Variants in ADAM10 observed in about 807,000 individuals in gnomAD.
ADAM10 encodes disintegrin and metalloproteinase domain-containing protein 10.
ADAM10 carries 17 observed loss-of-function variants against 90.1 expected under a neutral mutation model. That is an observed-to-expected ratio of 0.19 (90% CI 0.13 to 0.28). ADAM10 has a LOEUF of 0.28. Among genes scored for constraint, ADAM10 ranks in the 10% least tolerant of loss-of-function variants. The probability of loss-of-function intolerance (pLI) is 1.00; values close to 1 mark genes in which losing one functional copy is unlikely to be tolerated. For missense variants in ADAM10, 610 were observed against 914.3 expected (o/e 0.67, Z 4.29); for synonymous variants, 310 against 298.6 (o/e 1.04, Z -0.40).
chr15:58,625,254 G>C (rs1409226949), intron 10 of ADAM10, among the ~76,000 whole-genome samples: 1 of 152,050 alleles, frequency 6.6e-6, no homozygotes, highest in Non-Finnish European at 1.5e-5. Context: ...TTGCAAACCA[G>C]TATCTAGGAC....
intron 11 of ADAM10, 93 bp downstream of exon 11, chr15:58,621,378 C>G: frequency 6.8e-7 from 1 of 1,480,976 alleles, no homozygotes; most frequent in Non-Finnish European, 9.4e-7. Context: ...GTTTCAAAAC[C>G]ATATGCATCT....
At chr15:58,608,479 C>T (rs1225696559) in intron 14 of ADAM10, among the ~76,000 whole-genome samples, 1 of 152,186 alleles carries the variant, frequency 6.6e-6, no homozygotes, top group African/African-American at 2.4e-5. Flanking sequence ...TTAATGCCCA[C>T]AAATGCACCA....
At chr15:58,610,223 T>G in intron 14 of ADAM10, 74 bp downstream of exon 14, 1 of 1,262,998 alleles carries the variant, frequency 7.9e-7, no homozygotes, top group Non-Finnish European at 1.2e-6. Flanking sequence ...TCTCGTAACT[T>G]TGATGACTTC....
At chr15:58,627,227 T>C (rs996759733) in intron 10 of ADAM10, among the ~76,000 whole-genome samples, 1 of 151,824 alleles carries the variant, frequency 6.6e-6, no homozygotes, top group East Asian at 1.9e-4. Context: ...CAATGTAGAG[T>C]GAAATAAATC....
intron 4 of ADAM10, among the ~76,000 whole-genome samples, chr15:58,665,649 C>A (rs1485213272): frequency 6.6e-6 from 1 of 151,806 alleles, no homozygotes; most frequent in African/African-American, 2.4e-5. Context: ...ATACTCCCCA[C>A]CCCTCATTTC....
At chr15:58,725,591 C>T (rs1371986580) in intron 1 of ADAM10, among the ~76,000 whole-genome samples, 1 of 151,102 alleles carries the variant, frequency 6.6e-6, no homozygotes, top group African/African-American at 2.4e-5. Flanking sequence ...CACATAAAGG[C>T]ATGTCATAAG....
intron 1 of ADAM10, among the ~76,000 whole-genome samples, chr15:58,734,727 GA>G (rs1251701632): frequency 4.8e-4 from 71 of 149,392 alleles, no homozygotes; most frequent in Non-Finnish European, 4.5e-4. Context: ...AAACTGAAAA[GA>G]AAAAAAATTA....
intron 9 of ADAM10, among the ~76,000 whole-genome samples, chr15:58,628,837 T>C (rs1197965510): frequency 6.6e-6 from 1 of 152,206 alleles, no homozygotes; most frequent in African/African-American, 2.4e-5. Flanking sequence ...TTCTGTTTTT[T>C]CCTAGAGCCC....
chr15:58,673,225 G>GT (rs1228785896), intron 4 of ADAM10, among the ~76,000 whole-genome samples: 12 of 152,128 alleles, frequency 7.9e-5, no homozygotes, highest in African/African-American at 2.4e-4. Context: ...GCCTGAAACA[G>GT]TATGAGAGCT....
At chr15:58,691,392 T>C in intron 2 of ADAM10, 1 of 776,312 alleles carries the variant, frequency 1.3e-6, no homozygotes, top group South Asian at 1.4e-5. Context: ...CTTCCACTCT[T>C]GCTCCACAAA....
chr15:58,639,914 A>T (rs1210486396), intron 8 of ADAM10, among the ~76,000 whole-genome samples: 1 of 152,152 alleles, frequency 6.6e-6, no homozygotes, highest in African/African-American at 2.4e-5. Flanking sequence ...AAAACATAGA[A>T]ATGAAGTATC....
intron 1 of ADAM10, chr15:58,749,124 C>G: frequency 2.5e-6 from 1 of 398,024 alleles, no homozygotes; most frequent in East Asian, 3.6e-5. Flanking sequence ...CGGCGCCCGC[C>G]GAGCAGACTG....
At chr15:58,725,722 C>T (rs532686500) in intron 1 of ADAM10, among the ~76,000 whole-genome samples, 1 of 152,018 alleles carries the variant, frequency 6.6e-6, no homozygotes, top group African/African-American at 2.4e-5. Context: ...ATAAAACTGA[C>T]AGCACACTCT....
intron 2 of ADAM10, among the ~76,000 whole-genome samples, chr15:58,697,122 C>T (rs1898002445): frequency 6.6e-6 from 1 of 152,130 alleles, no homozygotes; most frequent in Admixed American, 6.6e-5. Context: ...TGTAAGACTC[C>T]CACCACCCAA....
intron 5 of ADAM10, 24 bp from the exon 6 acceptor site, chr15:58,646,228 G>A: frequency 6.2e-7 from 1 of 1,606,136 alleles, no homozygotes; most frequent in South Asian, 1.1e-5. Flanking sequence ...AGTCATTTCT[G>A]ACAATTAGTA....
At chr15:58,601,714 T>C (rs1595981497) in intron 14 of ADAM10, among the ~76,000 whole-genome samples, 1 of 152,342 alleles carries the variant, frequency 6.6e-6, no homozygotes, top group East Asian at 1.9e-4. Context: ...CAGAATCGTG[T>C]GCTATATTTA....
At chr15:58,715,535 TA>T (rs1243400326) in intron 2 of ADAM10, among the ~76,000 whole-genome samples, 1 of 152,200 alleles carries the variant, frequency 6.6e-6, no homozygotes, top group Non-Finnish European at 1.5e-5. Flanking sequence ...TTTGAATATC[TA>T]TAGCATTTTA....
At position 58,720,167 on chromosome 15, in the gene ADAM10, T is replaced by C. The variant is rs145566768; in HGVS notation, c.56-2440A>G. Among the ~76,000 whole-genome samples the C allele has an allele frequency of 1.4e-3, 220 of 152,068 alleles. 1 individual carries two copies. The highest frequency in any genetic ancestry group is 5.1e-3 in the African/African-American group (209 of 41,332). On this transcript the variant is annotated intron_variant, in intron 1 of 15. Coordinates refer to ENST00000260408, the MANE Select transcript of ADAM10 (RefSeq NM_001110.4). ...TGGAGACAACAATGCCTACCTTAAA[T>C]GCATGCAAAATGCTTACGAGCACAA...
In ADAM10 at chr15:58,735,501, C is replaced by T. The variant is rs527829599; in HGVS notation, c.55+13979G>A. Among the ~76,000 whole-genome samples, 5 of 152,196 alleles carry T rather than the reference C, an allele frequency of 3.3e-5. No individual in the cohort carries two copies. In the East Asian group the frequency reaches 5.8e-4, roughly 18 times the overall value. The stretch of plus-strand genomic sequence containing the variant: ...TGCTCAAATCCCTGACAAAATGACG[C>T]GGTATTTGCATACAACCTATGCACA... On this transcript the variant is annotated intron_variant, in intron 1 of 15. Coordinates refer to ENST00000260408, the MANE Select transcript of ADAM10 (RefSeq NM_001110.4).
Sources: allele counts gnomAD v4.1 joint callset (sites outside exome capture counted in the v4.1 genomes callset), GRCh38; gene constraint gnomAD v4.1.1; transcripts MANE v1.5; gene names NCBI Gene and HGNC (gene_info 2026-07-23, HGNC 2026-07-21).